The following DNAH7 variants were observed in gnomAD, a reference collection of about 807,000 sequenced individuals.
DNAH7 encodes axonemal beta dynein heavy chain 7.
DNAH7 carries 397 observed loss-of-function variants against 444.6 expected under a neutral mutation model. The observed-to-expected ratio is 0.89, with a 90% CI of 0.82 to 0.97. The LOEUF (loss-of-function observed/expected upper bound fraction) is 0.97. Among genes scored for constraint, DNAH7 ranks in the 50% least tolerant of loss-of-function variants. The pLI is 0.00. For missense variants in DNAH7, 4,902 were observed against 4,800.8 expected (o/e 1.02, Z -0.62); for synonymous variants, 1,636 against 1,624.4 (o/e 1.01, Z -0.17).
chr2:195,756,789 C>G (rs140717533), intron 61 of DNAH7, among the ~76,000 whole-genome samples: 7 of 152,166 alleles, frequency 4.6e-5, no homozygotes, highest in Non-Finnish European at 8.8e-5. Flanking sequence ...CTCAGGAGTT[C>G]AAGACTAGAC....
chr2:195,978,670 C>G (rs1692360496), intron 15 of DNAH7, among the ~76,000 whole-genome samples: 1 of 152,090 alleles, frequency 6.6e-6, no homozygotes, highest in Non-Finnish European at 1.5e-5. Flanking sequence ...GATCTTTCAC[C>G]TACAAGAAAC....
Position 195,910,175 on chromosome 2 carries a change from TG to T in DNAH7, c.3955del (p.His1319IlefsTer27). 1 of 1,610,652 alleles carries T rather than the reference TG, an allele frequency of 6.2e-7. No individual in the cohort carries two copies. Among genetic ancestry groups the T allele is most frequent in the Non-Finnish European group, 8.5e-7 (1 of 1,178,542 alleles). On this transcript the variant is annotated frameshift_variant, in exon 25 of 65. Transcript: ENST00000312428. LOFTEE classifies it high-confidence loss of function. ...RCYRTLFGAL[H>X]LHLGGAPEGP... ...CTCAGGTGCTCCTCCAAGGTGCAAA[TG>T]AAGGGCTCCAAATAAGGTTCTGAAA...
chr2:195,849,028 T>C (rs1278890457), intron 46 of DNAH7, among the ~76,000 whole-genome samples: 1 of 152,230 alleles, frequency 6.6e-6, no homozygotes, highest in African/African-American at 2.4e-5. Context: ...TGCGGGGAGA[T>C]ACTTTGTAAC....
intron 51 of DNAH7, among the ~76,000 whole-genome samples, chr2:195,813,409 T>G (rs1222478743): frequency 1.3e-5 from 2 of 152,210 alleles, no homozygotes; most frequent in Admixed American, 6.5e-5. Flanking sequence ...AGTAATGTCT[T>G]TCTCAAAGAC....
At chr2:195,813,742 G>A (rs1259448645) in intron 51 of DNAH7, among the ~76,000 whole-genome samples, 1 of 152,096 alleles carries the variant, frequency 6.6e-6, no homozygotes, top group Non-Finnish European at 1.5e-5. Flanking sequence ...GTCATGTTCC[G>A]TTTAATGTTT....
At chr2:195,903,774 A>C (rs1420945258) in intron 27 of DNAH7, 1 of 152,088 alleles carries the variant, frequency 6.6e-6, no homozygotes, top group African/African-American at 2.4e-5. Flanking sequence ...TTGAGAGAGG[A>C]AGGAGTTGTG....
chr2:195,824,766 GAGACA>G, intron 48 of DNAH7, among the ~76,000 whole-genome samples: 1 of 152,194 alleles, frequency 6.6e-6, no homozygotes, highest in South Asian at 2.1e-4. Flanking sequence ...TTATCCATCT[GAGACA>G]CCAGAGAAAA....
chr2:195,998,152 T>G (rs185773583), intron 12 of DNAH7, among the ~76,000 whole-genome samples: 226 of 152,352 alleles, frequency 1.5e-3, no homozygotes, highest in African/African-American at 5.2e-3. Flanking sequence ...AACATCTCTC[T>G]TCCTGAGAAG....
intron 35 of DNAH7, 60 bp downstream of exon 35, chr2:195,884,525 T>C (rs1361368474): frequency 1.6e-6 from 2 of 1,231,152 alleles, no homozygotes; most frequent in Admixed American, 1.7e-5. Flanking sequence ...TTATATGCTA[T>C]GTGTCAGAGA....
chr2:195,817,586 C>T, intron 50 of DNAH7, 110 bp downstream of exon 50: 1 of 1,127,374 alleles, frequency 8.9e-7, no homozygotes, highest in South Asian at 2.0e-5. Flanking sequence ...TTATATTTTC[C>T]CTTGCAGTAT....
At chr2:195,850,418 A>G (rs1483229488) in intron 46 of DNAH7, among the ~76,000 whole-genome samples, 1 of 152,244 alleles carries the variant, frequency 6.6e-6, no homozygotes, top group Non-Finnish European at 1.5e-5. Context: ...AAGGTCAATT[A>G]GAAGGTTCAA....
At position 195,936,665 on chromosome 2, in the gene DNAH7, G is replaced by A. The variant is rs1689073404; in HGVS notation, c.3206C>T (p.Pro1069Leu). The stretch of plus-strand genomic sequence containing the variant: ...ATCATTGGACAAAAAAAAGAATCTG[G>A]GGAAAAAGAGGCGTTTCTTTTCCAA... ...EYLEKKRLFF[P>L]RFFFLSNDEL... Residue 1069 changes from proline to leucine, a missense_variant, in exon 20 of 65, where the codon CCC (proline) becomes CTC (leucine). Transcript: ENST00000312428. 6.2e-7 allele frequency: 1 copy of A among 1,604,798 alleles called. No homozygotes were observed. Among genetic ancestry groups the A allele is most frequent in the Non-Finnish European group, 8.5e-7 (1 of 1,176,842 alleles).
intron 31 of DNAH7, among the ~76,000 whole-genome samples, chr2:195,890,695 G>A (rs1318391559): frequency 6.6e-6 from 1 of 152,122 alleles, no homozygotes; most frequent in Admixed American, 6.5e-5. Context: ...AGTAACACTT[G>A]ACTTTGGGCA....
chr2:196,067,739 G>A (rs1470722415), intron 1 of DNAH7, among the ~76,000 whole-genome samples: 1 of 151,840 alleles, frequency 6.6e-6, no homozygotes, highest in Non-Finnish European at 1.5e-5. Context: ...TAACACTACC[G>A]AAAAAAGCAT....
At chr2:196,023,080 GT>G (rs1189599367) in intron 8 of DNAH7, among the ~76,000 whole-genome samples, 1 of 152,086 alleles carries the variant, frequency 6.6e-6, no homozygotes, top group East Asian at 1.9e-4. Context: ...GGTGGGGCCT[GT>G]TGGGAGGTAA....
At chr2:195,837,364 C>T (rs1282633432) in intron 47 of DNAH7, among the ~76,000 whole-genome samples, 1 of 152,188 alleles carries the variant, frequency 6.6e-6, no homozygotes, top group Non-Finnish European at 1.5e-5. Context: ...TTTTTACAGC[C>T]TATCTCTTTC....
In DNAH7 at chr2:196,001,739, A is replaced by G. The variant is rs1318640899; in HGVS notation, c.1109T>C (p.Leu370Ser). The G allele has an allele frequency of 2.5e-6, 4 of 1,607,438 alleles. No individual in the cohort carries two copies. The highest frequency in any genetic ancestry group is 1.7e-6 in the Non-Finnish European group (2 of 1,176,968). Reference protein sequence around the residue: ...FFNCAAALMTLQLQDLTLVSM... With the variant: ...FFNCAAALMTSQLQDLTLVSM... The stretch of plus-strand genomic sequence containing the variant: ...GACTAAAGTGAGGTCCTGCAGCTGT[A>G]AAGTCATAAGTGCAGCAGCACAGTT... Residue 370 changes from leucine (L) to serine (S), a missense_variant, in exon 11 of 65, where the codon TTA becomes TCA. Coordinates refer to ENST00000312428, the MANE Select transcript of DNAH7 (RefSeq NM_018897.3).
At chr2:195,811,957 G>A (rs1477850785) in intron 51 of DNAH7, among the ~76,000 whole-genome samples, 1 of 152,146 alleles carries the variant, frequency 6.6e-6, no homozygotes, top group Non-Finnish European at 1.5e-5. Flanking sequence ...TGATACCAGA[G>A]GTGGTAAGAT....
chr2:195,762,516 A>T (rs1446829125), intron 61 of DNAH7, among the ~76,000 whole-genome samples: 3 of 152,230 alleles, frequency 2.0e-5, no homozygotes, highest in Non-Finnish European at 2.9e-5. Context: ...ATACATATAG[A>T]CTGAAAATAA....
Sources: gnomAD v4.1 joint callset for allele counts (sites outside exome capture counted in the v4.1 genomes callset) on GRCh38, gnomAD v4.1.1 for gene constraint, MANE v1.5 for transcripts, NCBI Gene and HGNC (gene_info 2026-07-23, HGNC 2026-07-21) for gene names.